Variants in MTRF1 observed in about 807,000 individuals in gnomAD.
MTRF1 encodes the protein peptide chain release factor 1, mitochondrial.
MTRF1 carries 51 observed loss-of-function variants against 62.9 expected under a neutral mutation model. That is an observed-to-expected ratio of 0.81 (90% confidence interval 0.65 to 1.02). MTRF1 has a LOEUF of 1.02. Among genes scored for constraint, MTRF1 ranks in the 50% least tolerant of loss-of-function variants. The pLI, the probability that MTRF1 is intolerant of heterozygous loss-of-function variation, is 0.00. For synonymous variants in MTRF1, 158 were observed against 181.9 expected (o/e 0.87, Z 1.06); for missense variants, 446 against 530.0 (o/e 0.84, Z 1.56).
At chr13:41,223,525 T>C (rs1027896404) in intron 8 of MTRF1, among the ~76,000 whole-genome samples, 171 bp from the exon 9 acceptor site, 2 of 152,118 alleles carry the variant, frequency 1.3e-5, no homozygotes, top group African/African-American at 4.8e-5. Context: ...ATACTACAGG[T>C]TTGTAGAGCT....
chr13:41,227,769 T>C (rs2034723045), intron 7 of MTRF1, among the ~76,000 whole-genome samples: 1 of 152,210 alleles, frequency 6.6e-6, no homozygotes, highest in South Asian at 2.1e-4. Context: ...AAAGTTCTAT[T>C]CTCTGAACTA....
chr13:41,296,089 G>A, the MTRF1 span, among the ~76,000 whole-genome samples: 1 of 152,122 alleles, frequency 6.6e-6, no homozygotes, highest in African/African-American at 2.4e-5. Flanking sequence ...GACTACAGTA[G>A]TGTGTCACCA....
At chr13:41,221,156 CTTTT>C (rs373390151) in intron 9 of MTRF1, among the ~76,000 whole-genome samples, 1 of 140,770 alleles carries the variant, frequency 7.1e-6, no homozygotes, top group Non-Finnish European at 1.6e-5. Context: ...GTTATTCACT[CTTTT>C]TTTTTTTTTT....
chr13:41,294,416 CAAAA>C, the MTRF1 span, among the ~76,000 whole-genome samples: 1 of 79,464 alleles, frequency 1.3e-5, no homozygotes. Flanking sequence ...GACTCCATCT[CAAAA>C]AAAAAAAAAA....
Position 41,239,884 on chromosome 13 carries a change from G to C in MTRF1, c.870+377C>G, listed in dbSNP as rs894538752. The stretch of plus-strand genomic sequence containing the variant: ...CCATGAAAAGAACAGATTTCGGCTG[G>C]GTGCGGTGGCTCACACCTGTAATCC... On this transcript the variant is annotated intron_variant, in intron 6 of 9. Transcript: ENST00000379480. 1.3e-5 allele frequency among the ~76,000 whole-genome samples: 2 copies of C among 152,162 alleles called. 1 individual carries two copies. Among genetic ancestry groups the C allele is most frequent in the African/African-American group, 4.8e-5 (2 of 41,444 alleles).
At chr13:41,225,354 G>A (rs1298023585) in intron 8 of MTRF1, among the ~76,000 whole-genome samples, 2 of 152,064 alleles carry the variant, frequency 1.3e-5, no homozygotes, top group Admixed American at 6.5e-5. Context: ...GTGATGGTGT[G>A]TACCCAGGGT....
the MTRF1 span, among the ~76,000 whole-genome samples, chr13:41,292,134 C>T: frequency 6.6e-6 from 1 of 151,878 alleles, no homozygotes; most frequent in Non-Finnish European, 1.5e-5. Flanking sequence ...AGAGAGAGAG[C>T]GAGAGAGAAA....
chr13:41,273,366 G>A, the MTRF1 span, among the ~76,000 whole-genome samples: 1 of 151,592 alleles, frequency 6.6e-6, no homozygotes, highest in South Asian at 2.1e-4. Flanking sequence ...TCACTTGGAA[G>A]CCCTCCATGG....
At chr13:41,284,992 T>C in the MTRF1 span, among the ~76,000 whole-genome samples, 1 of 152,190 alleles carries the variant, frequency 6.6e-6, no homozygotes, top group Non-Finnish European at 1.5e-5. Context: ...TGAGGAGGTA[T>C]TATGATTCAT....
chr13:41,260,460 C>T, intron 2 of MTRF1, 33 bp downstream of exon 2: 1 of 1,562,440 alleles, frequency 6.4e-7, no homozygotes, highest in South Asian at 1.2e-5. Flanking sequence ...TTTCATAGCC[C>T]TTATGCAGGA....
At chr13:41,218,527 T>C (rs929030116) in intron 9 of MTRF1, among the ~76,000 whole-genome samples, 1 of 152,168 alleles carries the variant, frequency 6.6e-6, no homozygotes, top group African/African-American at 2.4e-5. Flanking sequence ...GGGTGAAAAC[T>C]GTTTTGAGTT....
chr13:41,222,084 T>C (rs1174220191), intron 9 of MTRF1, among the ~76,000 whole-genome samples: 1 of 152,136 alleles, frequency 6.6e-6, no homozygotes, highest in African/African-American at 2.4e-5. Flanking sequence ...CTTGTAAAAC[T>C]AGGACTTTAA....
the MTRF1 span, chr13:41,311,463 C>G: frequency 2.0e-6 from 3 of 1,502,132 alleles, no homozygotes; most frequent in African/African-American, 2.8e-5. Context: ...GGTGCCCACC[C>G]CCGCGAAGCG....
intron 2 of MTRF1, among the ~76,000 whole-genome samples, chr13:41,256,388 G>A (rs189450033): frequency 0.018 from 2,760 of 150,334 alleles, 105 homozygotes; most frequent in African/African-American, 0.062. Flanking sequence ...GTGCAGTGGT[G>A]TGATCTCGAC....
At chr13:41,246,758 C>G (rs2038312100) in intron 5 of MTRF1, among the ~76,000 whole-genome samples, 1 of 152,202 alleles carries the variant, frequency 6.6e-6, no homozygotes. Context: ...CATACTCACA[C>G]TGTACTTCAA....
At chr13:41,277,036 T>C in the MTRF1 span, among the ~76,000 whole-genome samples, 1 of 152,050 alleles carries the variant, frequency 6.6e-6, no homozygotes, top group Non-Finnish European at 1.5e-5. Context: ...CTAACTAACT[T>C]TGAAAAACCC....
At chr13:41,230,054 T>G (rs766606963) in intron 7 of MTRF1, among the ~76,000 whole-genome samples, 15 of 151,806 alleles carry the variant, frequency 9.9e-5, no homozygotes, top group Non-Finnish European at 2.1e-4. Context: ...TGAACCAAGG[T>G]TCACTGGCCA....
At chr13:41,239,246 T>A (rs536040373) in intron 6 of MTRF1, among the ~76,000 whole-genome samples, 1 of 152,142 alleles carries the variant, frequency 6.6e-6, no homozygotes, top group African/African-American at 2.4e-5. Context: ...CAAAAGTAGA[T>A]AAATAAATAG....
the MTRF1 span, among the ~76,000 whole-genome samples, chr13:41,273,279 T>C: frequency 6.7e-6 from 1 of 149,370 alleles, no homozygotes; most frequent in African/African-American, 2.5e-5. Context: ...TGAGCCGAGA[T>C]CGCGCCACTG....
Sources: allele counts gnomAD v4.1 joint callset (sites outside exome capture counted in the v4.1 genomes callset), GRCh38; gene constraint gnomAD v4.1.1; transcripts MANE v1.5; gene names NCBI Gene and HGNC (gene_info 2026-07-23, HGNC 2026-07-21).